The following SPICE1 variants were observed in gnomAD, a reference collection of about 807,000 sequenced individuals.
The protein encoded by SPICE1 is spindle and centriole associated protein 1.
In SPICE1, 75 loss-of-function variants were observed where a neutral mutation model predicts 102.7. The ratio of observed to expected loss-of-function variants is 0.73; its 90% CI spans 0.61 to 0.88. The LOEUF (loss-of-function observed/expected upper bound fraction) is 0.88. SPICE1 is among the 40% of genes least tolerant of loss of function. The pLI, the probability that SPICE1 is intolerant of heterozygous loss-of-function variation, is 0.00. For missense variants in SPICE1, 979 were observed against 1,020.1 expected (o/e 0.96, Z 0.55); for synonymous variants, 308 against 350.3 (o/e 0.88, Z 1.35).
At chr3:113,490,797 A>G (rs1187387578) in intron 6 of SPICE1, among the ~76,000 whole-genome samples, 1 of 152,152 alleles carries the variant, frequency 6.6e-6, no homozygotes. Context: ...GCAAATGAGG[A>G]GTTATCCTTC....
intron 11 of SPICE1, among the ~76,000 whole-genome samples, chr3:113,465,431 T>A (rs1055965947): frequency 7.2e-5 from 11 of 152,200 alleles, no homozygotes; most frequent in African/African-American, 2.7e-4. Context: ...AAATAGTAAG[T>A]CTCTTGAAGA....
intron 11 of SPICE1, among the ~76,000 whole-genome samples, chr3:113,465,387 G>C (rs1936028736): frequency 1.3e-5 from 2 of 152,192 alleles, no homozygotes; most frequent in African/African-American, 4.8e-5. Flanking sequence ...AACACTTGTA[G>C]TTATAATTTA....
At chr3:113,482,256 GTTGT>G (rs748621571) in intron 7 of SPICE1, among the ~76,000 whole-genome samples, 3 of 151,002 alleles carry the variant, frequency 2.0e-5, no homozygotes, top group Non-Finnish European at 3.0e-5. Context: ...TTTTGATGGG[GTTGT>G]TTTTTTCTTG....
chr3:113,503,942 A>AG (rs1937058629), intron 2 of SPICE1, among the ~76,000 whole-genome samples: 1 of 151,664 alleles, frequency 6.6e-6, no homozygotes, highest in African/African-American at 2.4e-5. Context: ...AAAAAAAAAA[A>AG]AAAAAAAAAA....
intron 4 of SPICE1, among the ~76,000 whole-genome samples, chr3:113,497,250 C>T (rs973470994): frequency 3.3e-5 from 5 of 152,208 alleles, no homozygotes; most frequent in African/African-American, 7.2e-5. Context: ...TAATAAAGGA[C>T]TGCAGAGTTC....
At chr3:113,494,250 A>G (rs1936825162) in intron 4 of SPICE1, 108 bp from the exon 5 acceptor site, 1 of 667,760 alleles carries the variant, frequency 1.5e-6, no homozygotes. Flanking sequence ...ACCATAGGCT[A>G]CCTTCCTAAA....
chr3:113,486,864 T>TAG (rs963371139), intron 7 of SPICE1, among the ~76,000 whole-genome samples: 9 of 79,758 alleles, frequency 1.1e-4, no homozygotes, highest in African/African-American at 5.8e-4. Context: ...AATAAGGAGA[T>TAG]ATATATATAT....
intron 10 of SPICE1, 146 bp from the exon 11 acceptor site, chr3:113,465,930 T>C (rs1305647403): frequency 7.2e-6 from 5 of 694,664 alleles, no homozygotes. Context: ...AAAAGGTTTA[T>C]TATATTTAAT....
At chr3:113,512,031 T>A (rs1937231485) in intron 1 of SPICE1, among the ~76,000 whole-genome samples, 1 of 152,206 alleles carries the variant, frequency 6.6e-6, no homozygotes, top group African/African-American at 2.4e-5. Context: ...TATTTCAAGT[T>A]ACATTTAGAA....
At chr3:113,504,563 C>T (rs7642163) in intron 2 of SPICE1, among the ~76,000 whole-genome samples, 58,216 of 122,004 alleles carry the variant, frequency 0.48, 14,448 homozygotes, top group Middle Eastern at 0.59. Flanking sequence ...CATAGCAAGA[C>T]CTTGTCTCAA....
intron 3 of SPICE1, among the ~76,000 whole-genome samples, chr3:113,502,662 T>TAAAAAAAAAAAAAAAAAAAAAA (rs35248720): frequency 1.1e-5 from 1 of 87,288 alleles, no homozygotes; most frequent in Non-Finnish European, 2.2e-5. Context: ...CAATAAATCT[T>TAAAAAAAAAAAAAAAAAAAAAA]AAAAAAAAAA....
intron 3 of SPICE1, among the ~76,000 whole-genome samples, chr3:113,502,874 G>A (rs886357044): frequency 6.6e-6 from 1 of 152,066 alleles, no homozygotes; most frequent in Non-Finnish European, 1.5e-5. Flanking sequence ...AATAAATAAT[G>A]CTGAAGATAT....
At chr3:113,452,750 C>T (rs9851378) in intron 14 of SPICE1, among the ~76,000 whole-genome samples, 34,660 of 151,788 alleles carry the variant, frequency 0.23, 4,598 homozygotes, top group African/African-American at 0.37. Flanking sequence ...GAGGCTGAGG[C>T]GGGCAGATCA....
At chr3:113,482,878 G>A (rs1479673681) in intron 7 of SPICE1, among the ~76,000 whole-genome samples, 1 of 152,128 alleles carries the variant, frequency 6.6e-6, no homozygotes. Context: ...GGATTGTCTT[G>A]GCTATGCAGG....
chr3:113,480,805 G>A (rs1360496974), intron 7 of SPICE1, among the ~76,000 whole-genome samples: 1 of 151,748 alleles, frequency 6.6e-6, no homozygotes, highest in East Asian at 1.9e-4. Flanking sequence ...GAGAGGCTGA[G>A]GTGAGAGGAT....
intron 7 of SPICE1, among the ~76,000 whole-genome samples, chr3:113,479,116 C>G (rs1379023062): frequency 8.3e-6 from 1 of 120,892 alleles, no homozygotes; most frequent in Non-Finnish European, 1.7e-5. Context: ...CTAATGCTAT[C>G]CCTCCCCCCA....
intron 14 of SPICE1, among the ~76,000 whole-genome samples, chr3:113,450,854 T>C (rs1414089837): frequency 6.6e-6 from 1 of 152,220 alleles, no homozygotes; most frequent in Non-Finnish European, 1.5e-5. Context: ...GACTTACTAA[T>C]GGCCAGCAAG....
intron 7 of SPICE1, among the ~76,000 whole-genome samples, chr3:113,476,368 T>C (rs1185077551): frequency 6.6e-6 from 1 of 151,304 alleles, no homozygotes; most frequent in African/African-American, 2.5e-5. Context: ...CCCAAGGTAA[T>C]TTAGAGATTC....
rs1188869855 is a variant in SPICE1 at position 113,450,123 on chromosome 3, T to C, written c.2323+213A>G. On this transcript the variant is annotated intron_variant, in intron 15 of 17. Transcript: ENST00000295872. Reference sequence around the variant, plus strand: ...GAACTCAGACACCAAAGATTAACTATAGGCATCATAGGATAGAAATAATCA... The same window carrying C: ...GAACTCAGACACCAAAGATTAACTACAGGCATCATAGGATAGAAATAATCA... 11 of 570,594 alleles carry C rather than the reference T, an allele frequency of 1.9e-5. No homozygotes were observed. The East Asian group carries it at 2.4e-4, about 12-fold the overall frequency. The allele number at this position is 570,594 out of a possible 1,614,324, so 35.3% of individuals were successfully genotyped here. A position where few individuals can be genotyped will look rare whatever the true frequency, so the allele number is the denominator to read the frequency against.
Sources: gnomAD v4.1 joint callset for allele counts (sites outside exome capture counted in the v4.1 genomes callset) on GRCh38, gnomAD v4.1.1 for gene constraint, MANE v1.5 for transcripts, NCBI Gene and HGNC (gene_info 2026-07-23, HGNC 2026-07-21) for gene names.